Variants in NRG1 observed in about 807,000 individuals in gnomAD.
NRG1 encodes the protein pro-neuregulin-1, membrane-bound isoform.
A neutral mutation model predicts 63.8 loss-of-function variants in NRG1; 18 were observed. The observed-to-expected ratio is 0.28, with a 90% CI of 0.19 to 0.42. The LOEUF (loss-of-function observed/expected upper bound fraction) is 0.42, where lower values mean the gene tolerates loss of function less well. Among genes scored for constraint, NRG1 ranks in the 10% least tolerant of loss-of-function variants. The probability of loss-of-function intolerance (pLI) is 1.00; values close to 1 mark genes in which losing one functional copy is unlikely to be tolerated. For synonymous variants in NRG1, 302 were observed against 301.3 expected (o/e 1.00, Z -0.02); for missense variants, 762 against 814.7 (o/e 0.94, Z 0.79).
At chr8:31,804,254 G>C (rs143204592) in intron 1 of NRG1, among the ~76,000 whole-genome samples, 76 of 152,288 alleles carry the variant, frequency 5.0e-4, no homozygotes, top group Middle Eastern at 3.4e-3. Flanking sequence ...CCTCTGTGTA[G>C]AGTTTCAGAA....
intron 1 of NRG1, among the ~76,000 whole-genome samples, chr8:32,498,043 G>A (rs1034093790): frequency 4.6e-5 from 7 of 152,084 alleles, no homozygotes; most frequent in East Asian, 3.9e-4. Flanking sequence ...GCCTAGTCTC[G>A]AACTCCTGAC....
At chr8:32,507,511 T>C (rs1308622520) in intron 1 of NRG1, among the ~76,000 whole-genome samples, 1 of 152,160 alleles carries the variant, frequency 6.6e-6, no homozygotes, top group Non-Finnish European at 1.5e-5. Context: ...GGAAACAACT[T>C]TGCTGGCTGT....
At chr8:32,562,304 A>G (rs529653241) in intron 1 of NRG1, among the ~76,000 whole-genome samples, 1 of 152,252 alleles carries the variant, frequency 6.6e-6, no homozygotes, top group East Asian at 1.9e-4. Context: ...CTGGAGTGCA[A>G]TAGTGTGATC....
At chr8:32,394,364 GCT>G (rs1472376524) in intron 1 of NRG1, among the ~76,000 whole-genome samples, 1 of 152,090 alleles carries the variant, frequency 6.6e-6, no homozygotes, top group East Asian at 1.9e-4. Context: ...TCCCTTCCCA[GCT>G]CTGTCTACCA....
intron 1 of NRG1, among the ~76,000 whole-genome samples, chr8:32,422,387 A>G (rs1587550022): frequency 6.6e-6 from 1 of 152,336 alleles, no homozygotes; most frequent in African/African-American, 2.4e-5. Flanking sequence ...AGATATCAAT[A>G]TAATTTATCA....
intron 7 of NRG1, among the ~76,000 whole-genome samples, chr8:32,746,867 C>CTTTTTTTTT (rs376346951): frequency 1.6e-5 from 2 of 127,330 alleles, no homozygotes; most frequent in African/African-American, 5.7e-5. Flanking sequence ...GTGTATTCTG[C>CTTTTTTTTT]TTTTTTTTTT....
intron 1 of NRG1, among the ~76,000 whole-genome samples, chr8:32,013,187 G>A (rs1444329726): frequency 6.6e-6 from 1 of 152,082 alleles, no homozygotes; most frequent in African/African-American, 2.4e-5. Flanking sequence ...CATCCCTTCT[G>A]TTCTGAGGAA....
chr8:31,954,685 A>G (rs1804074082), intron 1 of NRG1, among the ~76,000 whole-genome samples: 1 of 152,210 alleles, frequency 6.6e-6, no homozygotes, highest in Non-Finnish European at 1.5e-5. Context: ...AGTTAGGGGT[A>G]GTGAAGATTG....
chr8:31,847,857 G>T (rs564075823), intron 1 of NRG1, among the ~76,000 whole-genome samples: 4 of 152,248 alleles, frequency 2.6e-5, no homozygotes, highest in South Asian at 4.1e-4. Context: ...CCATAACATT[G>T]AACATAATAC....
At chr8:32,071,196 C>A (rs982489589) in intron 1 of NRG1, among the ~76,000 whole-genome samples, 6 of 152,162 alleles carry the variant, frequency 3.9e-5, no homozygotes, top group African/African-American at 1.4e-4. Context: ...AAGGTAAATT[C>A]TTATCTGTTG....
At chr8:32,702,533 C>G (rs575415274) in intron 5 of NRG1, among the ~76,000 whole-genome samples, 3 of 152,318 alleles carry the variant, frequency 2.0e-5, no homozygotes, top group Admixed American at 2.0e-4. Context: ...GTGGCCCAGG[C>G]TGGAGTGCAG....
chr8:31,882,149 T>G (rs973017433), intron 1 of NRG1, among the ~76,000 whole-genome samples: 3 of 151,962 alleles, frequency 2.0e-5, no homozygotes, highest in Non-Finnish European at 2.9e-5. Context: ...CAGGTGACCT[T>G]AAGTCGAAGC....
intron 1 of NRG1, among the ~76,000 whole-genome samples, chr8:31,828,742 A>C (rs916568985): frequency 6.6e-6 from 1 of 151,400 alleles, no homozygotes; most frequent in South Asian, 2.1e-4. Context: ...TGCAGGGCAA[A>C]CTCTCTAGTT....
exon 1 of NRG1, chr8:32,548,644 T>C: frequency 6.8e-7 from 1 of 1,472,682 alleles, no homozygotes; most frequent in South Asian, 1.3e-5. Flanking sequence ...AGGGACAAAC[T>C]TTTCCCAAAC....
chr8:32,015,316 TAAG>T (rs1439967033), intron 1 of NRG1, among the ~76,000 whole-genome samples: 1 of 151,868 alleles, frequency 6.6e-6, no homozygotes, highest in Non-Finnish European at 1.5e-5. Context: ...CAGGAAAAAA[TAAG>T]AAAGTCCATT....
At chr8:32,363,617 G>A (rs1028737044) in intron 1 of NRG1, among the ~76,000 whole-genome samples, 2 of 152,066 alleles carry the variant, frequency 1.3e-5, no homozygotes, top group African/African-American at 4.8e-5. Context: ...TTGGGCAAAC[G>A]ATCAAAAGGG....
At chr8:32,393,378 T>C (rs2129484110) in intron 1 of NRG1, among the ~76,000 whole-genome samples, 1 of 152,296 alleles carries the variant, frequency 6.6e-6, no homozygotes, top group African/African-American at 2.4e-5. Flanking sequence ...GCAGTCCCAT[T>C]ACTGGGTATA....
intron 1 of NRG1, among the ~76,000 whole-genome samples, chr8:32,374,474 A>G (rs928156572): frequency 1.3e-5 from 2 of 152,176 alleles, no homozygotes; most frequent in Non-Finnish European, 2.9e-5. Context: ...TCTGCTGCCT[A>G]TCTGTGTCGC....
chr8:31,892,397 G>C (rs1035404872), intron 1 of NRG1, among the ~76,000 whole-genome samples: 3 of 152,010 alleles, frequency 2.0e-5, no homozygotes, highest in African/African-American at 7.2e-5. Flanking sequence ...TATTAAAGGA[G>C]ACCTAGGTCT....
Sources: gnomAD v4.1 joint callset for allele counts (sites outside exome capture counted in the v4.1 genomes callset) on GRCh38, gnomAD v4.1.1 for gene constraint, MANE v1.5 for transcripts, NCBI Gene and HGNC (gene_info 2026-07-23, HGNC 2026-07-21) for gene names.